The following RBPMS variants were observed in gnomAD, a reference collection of about 807,000 sequenced individuals.
RBPMS encodes the protein RNA-binding protein with multiple splicing.
A neutral mutation model predicts 26.8 loss-of-function variants in RBPMS; 7 were observed. That is an observed-to-expected ratio of 0.26 (90% CI 0.15 to 0.49). The LOEUF (loss-of-function observed/expected upper bound fraction) is 0.49, where lower values mean the gene tolerates loss of function less well. RBPMS is among the 20% of genes least tolerant of loss of function. The probability of loss-of-function intolerance (pLI) is 0.98; values close to 1 mark genes in which losing one functional copy is unlikely to be tolerated. For missense variants in RBPMS, 186 were observed against 250.0 expected (o/e 0.74, Z 1.73); for synonymous variants, 96 against 93.3 (o/e 1.03, Z -0.17).
At chr8:30,507,816 C>A (rs1044684298) in intron 5 of RBPMS, among the ~76,000 whole-genome samples, 1 of 152,192 alleles carries the variant, frequency 6.6e-6, no homozygotes, top group Non-Finnish European at 1.5e-5. Flanking sequence ...TTATTTTTCT[C>A]GTCTGTAAAG....
At chr8:30,479,419 G>A (rs759750938) in intron 4 of RBPMS, 42 bp downstream of exon 4, 24 of 1,371,564 alleles carry the variant, frequency 1.7e-5, no homozygotes, top group South Asian at 2.4e-5. Flanking sequence ...TCCATATGAG[G>A]TGGTGGGAAG....
intron 5 of RBPMS, among the ~76,000 whole-genome samples, chr8:30,507,063 C>T (rs1245426186): frequency 1.3e-5 from 2 of 152,110 alleles, no homozygotes; most frequent in African/African-American, 4.8e-5. Context: ...AATCAGACTG[C>T]CGTATTTGCT....
At chr8:30,412,447 C>CTT (rs753987184) in intron 1 of RBPMS, among the ~76,000 whole-genome samples, 2 of 143,764 alleles carry the variant, frequency 1.4e-5, no homozygotes, top group Admixed American at 7.0e-5. Context: ...AATGACACTA[C>CTT]TTTTTTTTTT....
chr8:30,390,450 C>T (rs1257835036), intron 1 of RBPMS, among the ~76,000 whole-genome samples: 2 of 152,208 alleles, frequency 1.3e-5, no homozygotes, highest in Non-Finnish European at 2.9e-5. Context: ...CCTCCAATGC[C>T]CCGAATCCTT....
At chr8:30,467,112 C>T (rs1350538018) in intron 1 of RBPMS, among the ~76,000 whole-genome samples, 2 of 152,212 alleles carry the variant, frequency 1.3e-5, no homozygotes, top group African/African-American at 4.8e-5. Flanking sequence ...TTCATTTCTG[C>T]TGAGCTGCAA....
At chr8:30,521,610 T>C (rs1823034165) in intron 5 of RBPMS, among the ~76,000 whole-genome samples, 1 of 152,202 alleles carries the variant, frequency 6.6e-6, no homozygotes, top group South Asian at 2.1e-4. Flanking sequence ...ACTCATATAA[T>C]TGTGAGTAAC....
intron 1 of RBPMS, among the ~76,000 whole-genome samples, chr8:30,438,527 T>TA (rs1554513657): frequency 6.6e-6 from 1 of 152,206 alleles, no homozygotes; most frequent in African/African-American, 2.4e-5. Flanking sequence ...ATGTAAGAAT[T>TA]ACCATATTTA....
At chr8:30,514,567 T>A (rs910628369) in intron 5 of RBPMS, among the ~76,000 whole-genome samples, 1 of 151,894 alleles carries the variant, frequency 6.6e-6, no homozygotes, top group African/African-American at 2.4e-5. Flanking sequence ...TTAATTGAGA[T>A]TGAGTGTCAC....
At chr8:30,495,554 A>G (rs1819859424) in intron 4 of RBPMS, among the ~76,000 whole-genome samples, 1 of 152,192 alleles carries the variant, frequency 6.6e-6, no homozygotes, top group African/African-American at 2.4e-5. Context: ...AAGGGAAAAA[A>G]GGAGTATTAA....
chr8:30,423,346 G>A (rs751132993), intron 1 of RBPMS, among the ~76,000 whole-genome samples: 5 of 152,174 alleles, frequency 3.3e-5, no homozygotes, highest in Non-Finnish European at 7.3e-5. Context: ...TTTGCTTGAA[G>A]ACCTGTCTGG....
intron 6 of RBPMS, chr8:30,552,703 C>A (rs1247910252): frequency 6.6e-6 from 1 of 152,232 alleles, no homozygotes; most frequent in Admixed American, 6.5e-5. Context: ...AAGTGAACTT[C>A]TGAGATGTCT....
chr8:30,543,807 T>G (rs1477951154), intron 5 of RBPMS, among the ~76,000 whole-genome samples: 1 of 152,174 alleles, frequency 6.6e-6, no homozygotes, highest in Admixed American at 6.6e-5. Flanking sequence ...TATGACTCAC[T>G]TTTTTCCCCT....
At chr8:30,516,521 C>T (rs761351216) in intron 5 of RBPMS, among the ~76,000 whole-genome samples, 2 of 152,142 alleles carry the variant, frequency 1.3e-5, no homozygotes, top group Non-Finnish European at 1.5e-5. Flanking sequence ...ACATACCAGC[C>T]GTTCATATAG....
intron 6 of RBPMS, among the ~76,000 whole-genome samples, chr8:30,548,308 G>T (rs576357900): frequency 6.6e-6 from 1 of 151,188 alleles, no homozygotes; most frequent in East Asian, 2.1e-4. Flanking sequence ...TTTCAGTCTT[G>T]TTGTGATGGG....
chr8:30,449,220 TTTGTTG>T (rs146640261), intron 1 of RBPMS, among the ~76,000 whole-genome samples: 1 of 152,116 alleles, frequency 6.6e-6, no homozygotes, highest in African/African-American at 2.4e-5. Flanking sequence ...AAACTTGGAT[TTTGTTG>T]TTGTTGTTTT....
intron 1 of RBPMS, among the ~76,000 whole-genome samples, chr8:30,431,013 T>C (rs924385266): frequency 3.9e-5 from 6 of 152,230 alleles, no homozygotes; most frequent in African/African-American, 1.2e-4. Flanking sequence ...TTTTAATGTA[T>C]GAAGCGGTTT....
intron 5 of RBPMS, chr8:30,537,660 C>T (rs1585806011): frequency 2.2e-6 from 1 of 455,986 alleles, no homozygotes; most frequent in African/African-American, 2.0e-5. Flanking sequence ...TGATTCACAT[C>T]CTGGCTCTGT....
At position 30,479,300 on chromosome 8, in the gene RBPMS, CTT is replaced by C. The variant is rs753402190; in HGVS notation, c.184-7_184-6del. The C allele has an allele frequency of 1.3e-6, 2 of 1,583,474 alleles. No individual in the cohort carries two copies. The highest frequency in any genetic ancestry group is 1.7e-6 in the Non-Finnish European group (2 of 1,155,992). On this transcript the variant is annotated splice_polypyrimidine_tract_variant and intron_variant, in intron 3 of 8. Coordinates refer to ENST00000397323, the MANE Select transcript of RBPMS (RefSeq NM_001008710.3). ...TCTGATTTTTTTTCTTCATATTTCTCTTTTTTTTTCTCAGCCTGTAGGTTTTG... is the reference window on the plus strand; with the variant it reads ...TCTGATTTTTTTTCTTCATATTTCTCTTTTTTTCTCAGCCTGTAGGTTTTG...
chr8:30,390,507 G>A (rs974955139), intron 1 of RBPMS, among the ~76,000 whole-genome samples: 1 of 152,084 alleles, frequency 6.6e-6, no homozygotes, highest in African/African-American at 2.4e-5. Context: ...CATGGCGTTC[G>A]GGATTGCCCT....
Sources: gnomAD v4.1 joint callset for allele counts (sites outside exome capture counted in the v4.1 genomes callset) on GRCh38, gnomAD v4.1.1 for gene constraint, MANE v1.5 for transcripts, NCBI Gene and HGNC (gene_info 2026-07-23, HGNC 2026-07-21) for gene names.